CCDC73: variants seen among roughly 807,000 people sequenced by gnomAD.
The protein encoded by CCDC73 is coiled-coil domain containing 73.
CCDC73 carries 95 observed loss-of-function variants against 116.5 expected under a neutral mutation model. That is an observed-to-expected ratio of 0.82 (90% CI 0.69 to 0.97). CCDC73 has a LOEUF of 0.97. CCDC73 is among the 50% of genes least tolerant of loss of function. CCDC73 has a pLI of 0.00. For missense variants in CCDC73, 1,066 were observed against 1,206.8 expected (o/e 0.88, Z 1.73); for synonymous variants, 398 against 401.3 (o/e 0.99, Z 0.10).
At chr11:32,761,013 T>C (rs1299550365) in intron 1 of CCDC73, among the ~76,000 whole-genome samples, 1 of 152,212 alleles carries the variant, frequency 6.6e-6, no homozygotes, top group Non-Finnish European at 1.5e-5. Context: ...TTGGCAAGTT[T>C]ATCATATTTA....
intron 14 of CCDC73, among the ~76,000 whole-genome samples, chr11:32,620,847 G>A (rs1413448385): frequency 6.6e-6 from 1 of 151,966 alleles, no homozygotes; most frequent in African/African-American, 2.4e-5. Flanking sequence ...CAAAATCAAT[G>A]TGCAAAAAAC....
intron 12 of CCDC73, among the ~76,000 whole-genome samples, chr11:32,642,750 T>C (rs1855744240): frequency 6.6e-6 from 1 of 151,868 alleles, no homozygotes; most frequent in African/African-American, 2.4e-5. Flanking sequence ...TAAATTTCTA[T>C]AAAAAGATAA....
chr11:32,820,603 G>A, the CCDC73 span, among the ~76,000 whole-genome samples: 1,966 of 152,266 alleles, frequency 0.013, 40 homozygotes, highest in African/African-American at 0.045. Flanking sequence ...AAATGGATAA[G>A]GCAATAATCT....
At chr11:32,795,931 C>T (rs1181073893), upstream of CCDC73, among the ~76,000 whole-genome samples, 2 of 152,188 alleles carry the variant, frequency 1.3e-5, no homozygotes, top group African/African-American at 4.8e-5. Context: ...CTCAGGTGAT[C>T]TGCCCGCCTT....
intron 9 of CCDC73, among the ~76,000 whole-genome samples, chr11:32,658,089 T>C (rs545541935): frequency 2.0e-5 from 3 of 151,430 alleles, no homozygotes; most frequent in Non-Finnish European, 2.9e-5. Context: ...TCTGCAGCTA[T>C]AGCTACAGCT....
At chr11:32,804,769 C>T in the CCDC73 span, among the ~76,000 whole-genome samples, 3 of 152,074 alleles carry the variant, frequency 2.0e-5, no homozygotes, top group East Asian at 5.8e-4. Context: ...AGTCTATAAC[C>T]TCAAAACAAA....
chr11:32,668,965 A>C (rs1308640984), intron 9 of CCDC73, among the ~76,000 whole-genome samples: 11 of 152,244 alleles, frequency 7.2e-5, no homozygotes, highest in Admixed American at 7.2e-4. Context: ...AGTAGAAAAC[A>C]AGTATAATAA....
chr11:32,662,865 T>C (rs1855943873), intron 9 of CCDC73, among the ~76,000 whole-genome samples: 1 of 152,202 alleles, frequency 6.6e-6, no homozygotes, highest in Admixed American at 6.5e-5. Flanking sequence ...AATTTTTGTA[T>C]AAGGTGTAAG....
intron 3 of CCDC73, among the ~76,000 whole-genome samples, chr11:32,710,345 C>G (rs1849888527): frequency 6.6e-6 from 1 of 152,124 alleles, no homozygotes. Context: ...CCTCTTAGCA[C>G]CACTTTTGCT....
the CCDC73 span, among the ~76,000 whole-genome samples, chr11:32,806,390 C>T: frequency 6.6e-6 from 1 of 151,966 alleles, no homozygotes; most frequent in Non-Finnish European, 1.5e-5. Context: ...GAGGCTGAGG[C>T]GGGTGGGGGG....
At chr11:32,649,266 C>A (rs1214682604) in intron 12 of CCDC73, among the ~76,000 whole-genome samples, 1 of 151,978 alleles carries the variant, frequency 6.6e-6, no homozygotes, top group Non-Finnish European at 1.5e-5. Flanking sequence ...TTTAATCTTC[C>A]AAAAACTAAC....
At position 32,602,999 on chromosome 11, in the gene CCDC73, A is replaced by G. The variant is rs764749473; in HGVS notation, c.3052T>C (p.Ser1018Pro). Residue 1018 changes from serine to proline, a missense_variant, in exon 18 of 18, where the codon TCA becomes CCA. Physicochemically the swap from Ser to Pro is moderately conservative, Grantham distance 74 (BLOSUM62 -1). Coordinates refer to ENST00000335185, the MANE Select transcript of CCDC73 (RefSeq NM_001008391.4). ...TEHVKTKPLI[S>P]TPLQSHLQAI... ...TGCAAATGGCTTTGTAGTGGAGTTG[A>G]TATCAGAGGCTTTGTTTTCACCTGG... is the stretch of plus-strand genomic sequence containing the variant. 2 of 1,599,620 alleles carry G rather than the reference A, an allele frequency of 1.3e-6. No individual in the cohort carries two copies. The highest frequency in any genetic ancestry group is 1.7e-6 in the Non-Finnish European group (2 of 1,176,566).
chr11:32,802,211 C>T, the CCDC73 span, among the ~76,000 whole-genome samples: 1 of 152,134 alleles, frequency 6.6e-6, no homozygotes, highest in Non-Finnish European at 1.5e-5. Flanking sequence ...ATAGTTCTCT[C>T]GTTCTCTTTT....
intron 13 of CCDC73, among the ~76,000 whole-genome samples, chr11:32,640,022 C>T (rs1031651772): frequency 1.3e-5 from 2 of 151,920 alleles, no homozygotes; most frequent in Non-Finnish European, 2.9e-5. Flanking sequence ...TTATCAGTAT[C>T]TTTGTTTTTT....
At chr11:32,688,892 C>A (rs1009216949) in intron 6 of CCDC73, among the ~76,000 whole-genome samples, 3 of 152,026 alleles carry the variant, frequency 2.0e-5, no homozygotes, top group African/African-American at 7.2e-5. Context: ...AAAAATAAGA[C>A]AGAAAACCCA....
At chr11:32,607,882 G>A (rs1351103485) in intron 17 of CCDC73, among the ~76,000 whole-genome samples, 1 of 152,216 alleles carries the variant, frequency 6.6e-6, no homozygotes, top group Non-Finnish European at 1.5e-5. Context: ...ATGGCAGAAG[G>A]CGAAAGGCAA....
chr11:32,811,496 T>C, the CCDC73 span, among the ~76,000 whole-genome samples: 1 of 152,146 alleles, frequency 6.6e-6, no homozygotes, highest in Non-Finnish European at 1.5e-5. Flanking sequence ...TGTTAGTCTG[T>C]TTGCATTGCT....
At chr11:32,782,208 A>G (rs1565100549) in intron 1 of CCDC73, among the ~76,000 whole-genome samples, 1 of 152,206 alleles carries the variant, frequency 6.6e-6, no homozygotes, top group Non-Finnish European at 1.5e-5. Flanking sequence ...GGTGAGTTGT[A>G]TAATTATTTC....
At chr11:32,758,433 G>C (rs1344480214) in intron 2 of CCDC73, 1 of 480,682 alleles carries the variant, frequency 2.1e-6, no homozygotes, top group African/African-American at 2.0e-5. Flanking sequence ...ATTTCAAGGA[G>C]TTTGTGCTGT....
Sources: gnomAD v4.1 joint callset for allele counts (sites outside exome capture counted in the v4.1 genomes callset) on GRCh38, gnomAD v4.1.1 for gene constraint, MANE v1.5 for transcripts, NCBI Gene and HGNC (gene_info 2026-07-23, HGNC 2026-07-21) for gene names.